The following SDK1 variants were observed in gnomAD, a reference collection of about 807,000 sequenced individuals.
The protein encoded by SDK1 is sidekick cell adhesion molecule 1.
A neutral mutation model predicts 245.5 loss-of-function variants in SDK1; 157 were observed. That is an observed-to-expected ratio of 0.64 (90% confidence interval 0.56 to 0.73). The LOEUF (loss-of-function observed/expected upper bound fraction) is 0.73. Ranked by LOEUF, SDK1 falls within the 30% of genes least tolerant of loss-of-function variation. The probability of loss-of-function intolerance (pLI) is 0.00; values close to 1 mark genes in which losing one functional copy is unlikely to be tolerated. For missense variants in SDK1, 3,583 were observed against 3,002.3 expected (o/e 1.19, Z -4.52); for synonymous variants, 1,647 against 1,278.5 (o/e 1.29, Z -6.15).
rs375434790 is a variant in SDK1 at position 4,028,946 on chromosome 7, G to A, written c.2602+11594G>A. Among the ~76,000 whole-genome samples, 21 of 152,192 alleles carry A rather than the reference G, an allele frequency of 1.4e-4. No individual in the cohort carries two copies. In the South Asian group the frequency reaches 2.1e-3, roughly 15 times the overall value. On this transcript the variant is annotated intron_variant, in intron 17 of 44. Transcript: ENST00000404826. ...CTCCAGGTTCATGTAAAAGGAAGAC[G>A]CCAAGAGAAGCACAACCCTGTAATT... is the stretch of plus-strand genomic sequence containing the variant.
At chr7:3,768,592 G>A (rs1317742531) in intron 4 of SDK1, among the ~76,000 whole-genome samples, 2 of 152,184 alleles carry the variant, frequency 1.3e-5, no homozygotes, top group Non-Finnish European at 2.9e-5. Flanking sequence ...TTGCTTCTTG[G>A]AAGCTCCAGT....
rs371317129 is a variant in SDK1 at position 4,217,606 on chromosome 7, G to A, written c.5540-2503G>A. On this transcript the variant is annotated intron_variant, in intron 38 of 44. Coordinates refer to ENST00000404826, the MANE Select transcript of SDK1 (RefSeq NM_152744.4). Reference sequence around the variant, plus strand: ...CGCCACCCGGAGCACCAGGCCACCCGGAGAACCACACCACCCGGAGCACCA... The same window carrying A: ...CGCCACCCGGAGCACCAGGCCACCCAGAGAACCACACCACCCGGAGCACCA... Among the ~76,000 whole-genome samples, 19 of 151,516 alleles carry A rather than the reference G, an allele frequency of 1.3e-4. No individual in the cohort carries two copies. The East Asian group carries it at 2.9e-3, about 23-fold the overall frequency.
intron 25 of SDK1, among the ~76,000 whole-genome samples, chr7:4,117,423 G>A (rs1015436495): frequency 2.0e-5 from 3 of 152,170 alleles, no homozygotes; most frequent in Non-Finnish European, 4.4e-5. Context: ...AGCTATGATC[G>A]CACCACTGCA....
chr7:3,565,709 T>C (rs898296369), intron 1 of SDK1, among the ~76,000 whole-genome samples: 1 of 152,226 alleles, frequency 6.6e-6, no homozygotes, highest in African/African-American at 2.4e-5. Context: ...AACCTGTGCG[T>C]ATTCTCCTGT....
chr7:3,382,893 T>A (rs1025870041), intron 1 of SDK1, among the ~76,000 whole-genome samples: 3 of 152,200 alleles, frequency 2.0e-5, no homozygotes, highest in Admixed American at 2.0e-4. Context: ...GTATATTTGT[T>A]GACTTGTGAT....
Position 4,192,131 on chromosome 7 carries a change from A to G in SDK1, c.5098+13545A>G, listed in dbSNP as rs114477721. 9.8e-3 allele frequency among the ~76,000 whole-genome samples: 1,491 copies of G among 152,298 alleles called. 25 individuals carry two copies. The highest frequency in any genetic ancestry group is 0.034 in the African/African-American group (1,406 of 41,562). Reference sequence around the variant, plus strand: ...CAAGTGCAGGCGCATCACACTCCTCACAGTTGGCCTTAGTGTGCTTCGTAG... The same window carrying G: ...CAAGTGCAGGCGCATCACACTCCTCGCAGTTGGCCTTAGTGTGCTTCGTAG... On this transcript the variant is annotated intron_variant, in intron 35 of 44. Transcript: ENST00000404826.
At chr7:3,875,396 A>C (rs1781051650) in intron 5 of SDK1, among the ~76,000 whole-genome samples, 1 of 152,174 alleles carries the variant, frequency 6.6e-6, no homozygotes, top group African/African-American at 2.4e-5. Context: ...CTCTCAGAAA[A>C]CCAAATCGTT....
At chr7:4,230,236 T>C (rs1382046976) in intron 40 of SDK1, among the ~76,000 whole-genome samples, 3 of 144,942 alleles carry the variant, frequency 2.1e-5, no homozygotes, top group Non-Finnish European at 3.0e-5. Context: ...GACGAATGGA[T>C]AGATGGATAG....
intron 5 of SDK1, among the ~76,000 whole-genome samples, chr7:3,922,359 A>T (rs1779621642): frequency 6.6e-6 from 1 of 152,182 alleles, no homozygotes; most frequent in Admixed American, 6.5e-5. Context: ...AAGTTCACTG[A>T]CGTCATATTG....
chr7:3,308,558 G>C (rs1779475431), intron 1 of SDK1, among the ~76,000 whole-genome samples: 1 of 151,648 alleles, frequency 6.6e-6, no homozygotes, highest in Non-Finnish European at 1.5e-5. Flanking sequence ...CAGATAGTCA[G>C]GTAAATCTAT....
In SDK1 at chr7:3,644,797, A is replaced by AAAAAAC. The variant is rs1554301839; in HGVS notation, c.713+2694_713+2695insAAACAA. 7.2e-4 allele frequency among the ~76,000 whole-genome samples: 95 copies of AAAAAAC among 131,636 alleles called. 3 individuals carry two copies. The highest frequency in any genetic ancestry group is 1.6e-3 in the South Asian group (6 of 3,640). The allele number at this position is 131,636 out of a possible 152,430, so 86.4% of individuals were successfully genotyped here. On this transcript the variant is annotated intron_variant, in intron 4 of 44. Coordinates refer to ENST00000404826, the MANE Select transcript of SDK1 (RefSeq NM_152744.4). ...CCAAAAAAAAAAAAAAAAAAACAAA[A>AAAAAAC]AACAACAACAACGGCGGGGCAGGGG... is the stretch of plus-strand genomic sequence containing the variant.
At chr7:3,902,970 A>G (rs1208827615) in intron 5 of SDK1, among the ~76,000 whole-genome samples, 1 of 152,162 alleles carries the variant, frequency 6.6e-6, no homozygotes, top group Non-Finnish European at 1.5e-5. Flanking sequence ...TGGACAAAGG[A>G]TTTTAATAGG....
intron 1 of SDK1, among the ~76,000 whole-genome samples, chr7:3,603,356 C>G (rs894985838): frequency 6.6e-6 from 1 of 150,432 alleles, no homozygotes; most frequent in African/African-American, 2.4e-5. Flanking sequence ...CTTTTATTTC[C>G]TTGAGCAGTG....
At chr7:3,780,802 A>G (rs1227107306) in intron 4 of SDK1, among the ~76,000 whole-genome samples, 3 of 152,058 alleles carry the variant, frequency 2.0e-5, no homozygotes, top group Middle Eastern at 3.2e-3. Context: ...TGATCTAGAA[A>G]GTCAAGCAGC....
At chr7:3,927,264 T>C (rs1779805357) in intron 5 of SDK1, among the ~76,000 whole-genome samples, 1 of 152,224 alleles carries the variant, frequency 6.6e-6, no homozygotes, top group South Asian at 2.1e-4. Context: ...AAAGCAACCA[T>C]ATTGCTAATT....
At chr7:3,832,979 G>C (rs1401806601) in intron 5 of SDK1, among the ~76,000 whole-genome samples, 1 of 151,990 alleles carries the variant, frequency 6.6e-6, no homozygotes, top group Non-Finnish European at 1.5e-5. Context: ...TTTTGAGACG[G>C]ATACCAAAGA....
chr7:3,969,293 C>A lies in SDK1; in HGVS notation c.1583C>A (p.Pro528His). ...HILASGSVRIPRFMLLESGGL... is the reference protein window; with the variant it reads ...HILASGSVRIHRFMLLESGGL... Reference sequence around the variant, plus strand: ...CTGGCCAGTGGCTCTGTCCGGATTCCTAGGTTCATGCTTCTTGAATCGGGG... The same window carrying A: ...CTGGCCAGTGGCTCTGTCCGGATTCATAGGTTCATGCTTCTTGAATCGGGG... The change falls in exon 11 of 45, where the codon CCT (proline) becomes CAT (histidine). Residue 528 changes from proline (P) to histidine (H), a missense_variant. Coordinates refer to ENST00000404826, the MANE Select transcript of SDK1 (RefSeq NM_152744.4). The A allele has an allele frequency of 6.2e-7, 1 of 1,610,174 alleles. No homozygotes were observed. Among genetic ancestry groups the A allele is most frequent in the Non-Finnish European group, 8.5e-7 (1 of 1,178,330 alleles).
intron 1 of SDK1, among the ~76,000 whole-genome samples, chr7:3,364,546 C>T (rs1781038592): frequency 6.6e-6 from 1 of 152,078 alleles, no homozygotes; most frequent in Non-Finnish European, 1.5e-5. Flanking sequence ...TATTTTTTCT[C>T]CATTGAATTT....
At chr7:3,619,706 G>T (rs1485646996) in intron 2 of SDK1, among the ~76,000 whole-genome samples, 2 of 152,174 alleles carry the variant, frequency 1.3e-5, no homozygotes, top group African/African-American at 2.4e-5. Context: ...TGGAGAATGG[G>T]CATGCATACA....
Sources: allele counts gnomAD v4.1 joint callset (sites outside exome capture counted in the v4.1 genomes callset), GRCh38; gene constraint gnomAD v4.1.1; transcripts MANE v1.5; gene names NCBI Gene and HGNC (gene_info 2026-07-23, HGNC 2026-07-21).